Variants in ATP11B observed in about 807,000 individuals in gnomAD.
ATP11B encodes the protein phospholipid-transporting ATPase IF.
A neutral mutation model predicts 157.8 loss-of-function variants in ATP11B; 81 were observed. The observed-to-expected ratio is 0.51, with a 90% CI of 0.43 to 0.62. The LOEUF is 0.62. Among genes scored for constraint, ATP11B ranks in the 20% least tolerant of loss-of-function variants. The pLI is 0.00. For missense variants in ATP11B, 1,165 were observed against 1,402.2 expected (o/e 0.83, Z 2.70); for synonymous variants, 451 against 469.4 (o/e 0.96, Z 0.51).
intron 1 of ATP11B, among the ~76,000 whole-genome samples, chr3:182,808,774 C>T (rs1716478952): frequency 6.6e-6 from 1 of 151,972 alleles, no homozygotes; most frequent in Non-Finnish European, 1.5e-5. Context: ...AAAAAAGTTG[C>T]AAATATAGTG....
rs972758894 is a variant in ATP11B, at chr3:182,837,266, A to G, written c.656+92A>G. The G allele has an allele frequency of 2.4e-5, 22 of 925,122 alleles. No individual in the cohort carries two copies. The African/African-American group carries it at 3.1e-4, about 13-fold the overall frequency. The allele number at this position is 925,122 out of a possible 1,614,324, so 57.3% of individuals were successfully genotyped here. ...AAACATAAAATGAAATCTTTAGCTA[A>G]TTGGAGACTGTATTTGTGGGGTGGG... On this transcript the variant is annotated intron_variant, in intron 7 of 29. Coordinates refer to ENST00000323116, the MANE Select transcript of ATP11B (RefSeq NM_014616.3).
chr3:182,911,036 A>G lies in ATP11B; in HGVS notation c.3319-2825A>G, dbSNP rs144180292. On this transcript the variant is annotated intron_variant, in intron 28 of 29. Transcript: ENST00000323116. ...TAAAAATTTCTAAGCTCTTATTCTCACAGATTAGAAATGCTTATTTCTTCA... is the reference window on the plus strand; with the variant it reads ...TAAAAATTTCTAAGCTCTTATTCTCGCAGATTAGAAATGCTTATTTCTTCA... 2.9e-3 allele frequency among the ~76,000 whole-genome samples: 438 copies of G among 152,246 alleles called. 3 individuals carry two copies. Among genetic ancestry groups the G allele is most frequent in the Middle Eastern group, 0.01 (3 of 294 alleles).
chr3:182,904,714 C>G (rs1242831240), intron 28 of ATP11B, among the ~76,000 whole-genome samples: 1 of 151,866 alleles, frequency 6.6e-6, no homozygotes, highest in African/African-American at 2.4e-5. Flanking sequence ...ATGGTGAAAC[C>G]CCATCTCTAC....
At chr3:182,849,206 CA>C (rs1719771948) in intron 10 of ATP11B, among the ~76,000 whole-genome samples, 3 of 152,196 alleles carry the variant, frequency 2.0e-5, no homozygotes, top group African/African-American at 7.2e-5. Context: ...TAGAACTATA[CA>C]TGTGCAAGGG....
intron 13 of ATP11B, 69 bp downstream of exon 13, chr3:182,865,767 G>T: frequency 2.3e-6 from 3 of 1,331,646 alleles, no homozygotes; most frequent in Non-Finnish European, 3.1e-6. Context: ...TTGATGAGTT[G>T]CAGGAAAAAA....
rs540915773 is a variant in ATP11B at position 182,905,942 on chromosome 3, C to T, written c.3318+7170C>T. 2.7e-4 allele frequency: 120 copies of T among 451,982 alleles called. 1 individual carries two copies. The highest frequency in any genetic ancestry group is 5.0e-4 in the Non-Finnish European group (112 of 224,110). 28.0% of individuals were successfully genotyped at this position (451,982 alleles called of 1,614,324 possible). A position where few individuals can be genotyped will look rare whatever the true frequency, so the allele number is the denominator to read the frequency against. ...TAGGTAGTACTGCGCTGGACCTTCCCGGGCACTCATCCGCTAAGTTCTCAT... is the reference window on the plus strand; with the variant it reads ...TAGGTAGTACTGCGCTGGACCTTCCTGGGCACTCATCCGCTAAGTTCTCAT... On this transcript the variant is annotated intron_variant, in intron 28 of 29. Transcript: ENST00000323116.
intron 12 of ATP11B, among the ~76,000 whole-genome samples, chr3:182,862,660 T>G (rs751147656): frequency 1.4e-4 from 22 of 152,186 alleles, no homozygotes; most frequent in Non-Finnish European, 3.2e-4. Flanking sequence ...GTCTACTTCC[T>G]GAGCGTTTCT....
intron 2 of ATP11B, among the ~76,000 whole-genome samples, chr3:182,823,479 TG>T (rs1368990198): frequency 1.3e-5 from 2 of 152,078 alleles, no homozygotes; most frequent in Admixed American, 6.5e-5. Context: ...TCTATATATC[TG>T]TTTTGGTACC....
intron 1 of ATP11B, among the ~76,000 whole-genome samples, chr3:182,810,953 G>A (rs1716627361): frequency 6.6e-6 from 1 of 151,952 alleles, no homozygotes; most frequent in South Asian, 2.1e-4. Context: ...TAAATAAGTT[G>A]CTTATACAAG....
At chr3:182,876,140 A>T (rs1380654596) in intron 19 of ATP11B, among the ~76,000 whole-genome samples, 1 of 152,114 alleles carries the variant, frequency 6.6e-6, no homozygotes, top group African/African-American at 2.4e-5. Flanking sequence ...TTACTCCGAA[A>T]GCTGAGACAA....
At chr3:182,820,417 C>T in intron 2 of ATP11B, 41 bp downstream of exon 2, 1 of 1,331,234 alleles carries the variant, frequency 7.5e-7, no homozygotes, top group Non-Finnish European at 1.1e-6. Context: ...GGTGCAGTGG[C>T]TCATACCCAT....
chr3:182,829,536 A>G (rs1385652448), intron 3 of ATP11B, 136 bp from the exon 4 acceptor site: 3 of 663,694 alleles, frequency 4.5e-6, no homozygotes, highest in Non-Finnish European at 7.8e-6. Flanking sequence ...CCAACCCCAC[A>G]TAATAGCCAA....
rs752479669 is a variant in ATP11B, at chr3:182,873,837, A to G, written c.2074A>G (p.Ile692Val). Residue 692 changes from isoleucine to valine, a missense_variant, in exon 19 of 30, where the codon ATT becomes GTT. Ile to Val is a conservative substitution (Grantham distance 29, BLOSUM62 3). Transcript: ENST00000323116. Reference sequence around the variant, plus strand: ...ACTACAAGATAAAGTTCGAGAAACTATTGAAGCATTGAGAATGGCTGGTAT... The same window carrying G: ...ACTACAAGATAAAGTTCGAGAAACTGTTGAAGCATTGAGAATGGCTGGTAT... ...DRLQDKVRET[I>V]EALRMAGIKV... The G allele has an allele frequency of 5.6e-6, 9 of 1,614,150 alleles. No homozygotes were observed. Among genetic ancestry groups the G allele is most frequent in the South Asian group, 1.1e-5 (1 of 91,082 alleles).
At chr3:182,809,219 A>G (rs940607832) in intron 1 of ATP11B, among the ~76,000 whole-genome samples, 1 of 151,768 alleles carries the variant, frequency 6.6e-6, no homozygotes, top group Admixed American at 6.6e-5. Flanking sequence ...CATTTTATTT[A>G]TATTCTATTT....
chr3:182,832,126 A>C (rs1718195181), intron 4 of ATP11B, among the ~76,000 whole-genome samples: 1 of 152,200 alleles, frequency 6.6e-6, no homozygotes, highest in African/African-American at 2.4e-5. Flanking sequence ...GTGAATTTTT[A>C]TCTACAAGTA....
Position 182,838,785 on chromosome 3 carries a change from T to TTATATA in ATP11B, c.656+1622_656+1627dup, listed in dbSNP as rs757823857. 9.4e-4 allele frequency among the ~76,000 whole-genome samples: 137 copies of TTATATA among 145,048 alleles called. 2 individuals are homozygous for TTATATA. Among genetic ancestry groups the TTATATA allele is most frequent in the African/African-American group, 3.2e-3 (125 of 38,550 alleles). On this transcript the variant is annotated intron_variant, in intron 7 of 29. Transcript: ENST00000323116. ...TTGTAACACATATATGTGCTATATA[T>TTATATA]TATATATATATATATACACACACAT...
At chr3:182,895,357 A>C (rs1297642037) in intron 25 of ATP11B, among the ~76,000 whole-genome samples, 1 of 152,108 alleles carries the variant, frequency 6.6e-6, no homozygotes. Context: ...TTGATGTTTC[A>C]TTGTTGATAA....
chr3:182,878,992 G>A (rs1428078865), intron 19 of ATP11B, among the ~76,000 whole-genome samples: 3 of 152,080 alleles, frequency 2.0e-5, no homozygotes. Flanking sequence ...TGAATATTAG[G>A]CTGGGCACAG....
At chr3:182,885,032 TA>T in intron 22 of ATP11B, 134 bp downstream of exon 22, 1 of 579,656 alleles carries the variant, frequency 1.7e-6, no homozygotes, top group Non-Finnish European at 2.7e-6. Context: ...GTCATAAATC[TA>T]TTCTATACTG....
Sources: allele counts gnomAD v4.1 joint callset (sites outside exome capture counted in the v4.1 genomes callset), GRCh38; gene constraint gnomAD v4.1.1; transcripts MANE v1.5; gene names NCBI Gene and HGNC (gene_info 2026-07-23, HGNC 2026-07-21).